Variants in NSUN3 observed in about 807,000 individuals in gnomAD.
NSUN3 encodes tRNA (cytosine(34)-C(5))-methyltransferase, mitochondrial.
Under a neutral mutation model 36.8 loss-of-function variants are expected in NSUN3, and 24 were observed. The observed-to-expected ratio is 0.65, with a 90% CI of 0.47 to 0.92. The LOEUF (loss-of-function observed/expected upper bound fraction) is 0.92, where lower values mean the gene tolerates loss of function less well. NSUN3 is among the 40% of genes least tolerant of loss of function. The probability of loss-of-function intolerance (pLI) is 0.00; values close to 1 mark genes in which losing one functional copy is unlikely to be tolerated. For missense variants in NSUN3, 381 were observed against 392.8 expected (o/e 0.97, Z 0.25); for synonymous variants, 146 against 145.2 (o/e 1.01, Z -0.04).
intron 3 of NSUN3, among the ~76,000 whole-genome samples, chr3:94,091,572 G>A (rs758874235): frequency 1.3e-5 from 2 of 152,192 alleles, no homozygotes; most frequent in Non-Finnish European, 2.9e-5. Context: ...AATAACAGTA[G>A]CATCTAAAGC....
At chr3:94,072,961 A>G (rs1274365722) in intron 2 of NSUN3, among the ~76,000 whole-genome samples, 1 of 151,922 alleles carries the variant, frequency 6.6e-6, no homozygotes, top group Non-Finnish European at 1.5e-5. Context: ...CCAGCCCCTC[A>G]CCACCCGACA....
chr3:94,068,610 T>C (rs542413382), intron 2 of NSUN3, among the ~76,000 whole-genome samples: 10 of 152,296 alleles, frequency 6.6e-5, no homozygotes, highest in Non-Finnish European at 1.5e-4. Context: ...ACTTAATAAA[T>C]GTATGATTAA....
At chr3:94,076,718 A>G in intron 2 of NSUN3, 1 of 1,354,608 alleles carries the variant, frequency 7.4e-7, no homozygotes, top group Admixed American at 1.7e-5. Context: ...TGTATAGTCC[A>G]AGATAAGAAC....
intron 2 of NSUN3, among the ~76,000 whole-genome samples, chr3:94,065,614 G>A (rs2077201289): frequency 6.6e-6 from 1 of 152,128 alleles, no homozygotes; most frequent in Admixed American, 6.5e-5. Flanking sequence ...TTAAGTTTTG[G>A]CTAATAAAGA....
chr3:94,067,695 A>G (rs1370578642), intron 2 of NSUN3, among the ~76,000 whole-genome samples: 2 of 152,230 alleles, frequency 1.3e-5, no homozygotes, highest in African/African-American at 4.8e-5. Context: ...GAATAATAAC[A>G]ATCCTATGTA....
Position 94,077,782 on chromosome 3 carries a change from A to T in NSUN3, c.123-6325A>T, listed in dbSNP as rs943416016. On this transcript the variant is annotated intron_variant, in intron 2 of 5. Coordinates refer to ENST00000314622, the MANE Select transcript of NSUN3 (RefSeq NM_022072.5). ...TTGTATTTCTGTGGGATCACTGGTG[A>T]TATCCCCTATATTATTTTTTATTGC... Among the ~76,000 whole-genome samples the T allele has an allele frequency of 2.0e-5, 3 of 152,064 alleles. No homozygotes were observed. The East Asian group carries it at 5.8e-4, about 29-fold the overall frequency.
At chr3:94,072,155 T>A (rs2077226869) in intron 2 of NSUN3, among the ~76,000 whole-genome samples, 1 of 151,948 alleles carries the variant, frequency 6.6e-6, no homozygotes, top group Admixed American at 6.6e-5. Context: ...CAGAAGAGGG[T>A]TTCAGGGAGG....
At position 94,130,334 on chromosome 3, in the gene NSUN3, A is replaced by G. The variant is rs1363161074; in HGVS notation, c.*3844A>G. ...ATAGCAGACCCTGCACAAAGTGGATATCAGAGTTAATACTGTGAAGAGACA... is the reference window on the plus strand; with the variant it reads ...ATAGCAGACCCTGCACAAAGTGGATGTCAGAGTTAATACTGTGAAGAGACA... On this transcript the variant is annotated 3_prime_UTR_variant, in exon 6 of 6. Transcript: ENST00000314622. Among the ~76,000 whole-genome samples, 1 of 152,232 alleles carries G rather than the reference A, an allele frequency of 6.6e-6. No homozygotes were observed. Among genetic ancestry groups the G allele is most frequent in the Non-Finnish European group, 1.5e-5 (1 of 68,044 alleles).
At chr3:94,068,026 A>T (rs1182720097) in intron 2 of NSUN3, among the ~76,000 whole-genome samples, 1 of 152,050 alleles carries the variant, frequency 6.6e-6, no homozygotes, top group African/African-American at 2.4e-5. Flanking sequence ...TCTGCTAGGA[A>T]TGCCTTTTTC....
intron 5 of NSUN3, among the ~76,000 whole-genome samples, chr3:94,116,721 C>T (rs2077441421): frequency 6.6e-6 from 1 of 152,016 alleles, no homozygotes; most frequent in Non-Finnish European, 1.5e-5. Flanking sequence ...ATCTAAAATA[C>T]AAGGAGAAAA....
chr3:94,080,747 C>T (rs2077265088), intron 2 of NSUN3, among the ~76,000 whole-genome samples: 1 of 152,152 alleles, frequency 6.6e-6, no homozygotes. Context: ...GGCGGACGCC[C>T]CTCCCTCCAC....
chr3:94,124,736 G>C (rs73159590), intron 5 of NSUN3, among the ~76,000 whole-genome samples: 11,973 of 152,106 alleles, frequency 0.079, 590 homozygotes, highest in Middle Eastern at 0.17. Context: ...ATTTTGCAGG[G>C]ACACAGTTTA....
chr3:94,066,785 T>G (rs1180175943), intron 2 of NSUN3, among the ~76,000 whole-genome samples: 2 of 152,218 alleles, frequency 1.3e-5, no homozygotes, highest in Non-Finnish European at 2.9e-5. Context: ...AAGTGTATTA[T>G]TATTTTTCCC....
In NSUN3 at chr3:94,074,781, T is replaced by G. The variant is rs184838880; in HGVS notation, c.123-9326T>G. Among the ~76,000 whole-genome samples the G allele has an allele frequency of 2.5e-3, 374 of 152,330 alleles. 3 individuals are homozygous for G. Among genetic ancestry groups the G allele is most frequent in the African/African-American group, 8.4e-3 (350 of 41,568 alleles). On this transcript the variant is annotated intron_variant, in intron 2 of 5. Coordinates refer to ENST00000314622, the MANE Select transcript of NSUN3 (RefSeq NM_022072.5). Reference sequence around the variant, plus strand: ...ACAATTTGACTTCCTCTCTTCCTATTTGAATACCCTTTATTTCCTTCTCGT... The same window carrying G: ...ACAATTTGACTTCCTCTCTTCCTATGTGAATACCCTTTATTTCCTTCTCGT...
intron 5 of NSUN3, among the ~76,000 whole-genome samples, chr3:94,105,597 C>T (rs990818102): frequency 6.6e-6 from 1 of 152,110 alleles, no homozygotes; most frequent in Admixed American, 6.5e-5. Context: ...TCTGTGGAAT[C>T]GCTTGAGGAG....
chr3:94,095,785 C>T (rs935331145), intron 5 of NSUN3, among the ~76,000 whole-genome samples: 5 of 152,028 alleles, frequency 3.3e-5, no homozygotes, highest in Non-Finnish European at 5.9e-5. Context: ...CTCACTCTGT[C>T]GCCCAGGCTG....
At chr3:94,117,615 A>G (rs1448525623) in intron 5 of NSUN3, among the ~76,000 whole-genome samples, 1 of 152,228 alleles carries the variant, frequency 6.6e-6, no homozygotes, top group African/African-American at 2.4e-5. Context: ...GATATCTGCC[A>G]TATAGTAACA....
chr3:94,098,873 C>A (rs2077353793), intron 5 of NSUN3, among the ~76,000 whole-genome samples: 1 of 152,104 alleles, frequency 6.6e-6, no homozygotes, highest in African/African-American at 2.4e-5. Flanking sequence ...TCCTTACCTT[C>A]ACTTAAAGAT....
intron 5 of NSUN3, among the ~76,000 whole-genome samples, chr3:94,101,166 A>G (rs1182030426): frequency 1.3e-5 from 2 of 151,822 alleles, no homozygotes; most frequent in Non-Finnish European, 2.9e-5. Flanking sequence ...TAATTTTTAA[A>G]TTCTTTTCTA....
Sources: allele counts gnomAD v4.1 joint callset (sites outside exome capture counted in the v4.1 genomes callset), GRCh38; gene constraint gnomAD v4.1.1; transcripts MANE v1.5; gene names NCBI Gene and HGNC (gene_info 2026-07-23, HGNC 2026-07-21).